Variants in BPNT2 observed in about 807,000 individuals in gnomAD.
BPNT2 encodes the protein 3'(2'), 5'-bisphosphate nucleotidase 2.
In BPNT2, 11 loss-of-function variants were observed where a neutral mutation model predicts 29.3. The ratio of observed to expected loss-of-function variants is 0.38; its 90% CI spans 0.24 to 0.62. The LOEUF is 0.62. BPNT2 is among the 20% of genes least tolerant of loss of function. The probability of loss-of-function intolerance (pLI) is 0.62; values close to 1 mark genes in which losing one functional copy is unlikely to be tolerated. For missense variants in BPNT2, 459 were observed against 473.4 expected, an observed-to-expected ratio of 0.97 and a Z score of 0.28; for synonymous variants, 195 against 187.7, an observed-to-expected ratio of 1.04 and a Z score of -0.32.
At chr8:56,985,227 T>C (rs142782756) in intron 1 of BPNT2, among the ~76,000 whole-genome samples, 2 of 152,262 alleles carry the variant, frequency 1.3e-5, no homozygotes, top group African/African-American at 4.8e-5. Flanking sequence ...TTCATTACTG[T>C]AGCTCCATCC....
rs1046218207 is a variant in BPNT2 at position 56,958,576 on chromosome 8, T to C, written c.*5217A>G. 1 of 152,332 alleles carries C rather than the reference T, an allele frequency of 6.6e-6. No individual in the cohort carries two copies. The highest frequency in any genetic ancestry group is 6.5e-5 in the Admixed American group (1 of 15,298). 9.4% of individuals were successfully genotyped at this position (152,332 alleles called of 1,614,324 possible). A position where few individuals can be genotyped will look rare whatever the true frequency, so the allele number is the denominator to read the frequency against. ...TCAAAGGTATTTTTATTTTATCTCA[T>C]TGTTAGCCCAGTATAAGGCAGGATG... is the stretch of plus-strand genomic sequence containing the variant. On this transcript the variant is annotated 3_prime_UTR_variant, in exon 5 of 5. Transcript: ENST00000262644.
In BPNT2 at chr8:56,993,259, G is replaced by C; in HGVS notation, c.327C>G (p.Gly109=). 6.2e-7 allele frequency: 1 copy of C among 1,609,626 alleles called. No homozygotes were observed. The highest frequency in any genetic ancestry group is 8.5e-7 in the Non-Finnish European group (1 of 1,179,898). The part of the protein sequence containing the change: ...REGAEDKMTS[G]DVLSNRKMFY... The stretch of plus-strand genomic sequence containing the variant: ...ACATCTTGCGGTTGGACAGCACGTC[G>C]CCGCTGGTCATCTTGTCCTCGGCTC... The change falls in exon 1 of 5, where the codon GGC becomes GGG. Residue 109 remains glycine, a synonymous_variant. Transcript: ENST00000262644.
intron 1 of BPNT2, among the ~76,000 whole-genome samples, chr8:56,980,664 G>A (rs7018231): frequency 6.6e-6 from 1 of 150,802 alleles, no homozygotes; most frequent in Non-Finnish European, 1.5e-5. Context: ...AAAATTAAAA[G>A]ATAAAATAAA....
intron 3 of BPNT2, among the ~76,000 whole-genome samples, chr8:56,977,629 TAC>T (rs10610795): frequency 0.047 from 7,099 of 152,164 alleles, 451 homozygotes; most frequent in African/African-American, 0.14. Flanking sequence ...GCAGATGTAC[TAC>T]GTTGAGATGA....
chr8:56,992,166 C>A (rs558630307), intron 1 of BPNT2, among the ~76,000 whole-genome samples: 8 of 152,260 alleles, frequency 5.3e-5, no homozygotes, highest in African/African-American at 1.9e-4. Context: ...ACAATATTCT[C>A]CTAACTCTTT....
intron 1 of BPNT2, 38 bp downstream of exon 1, chr8:56,993,161 A>G: frequency 6.4e-7 from 1 of 1,574,530 alleles, no homozygotes; most frequent in Non-Finnish European, 8.6e-7. Flanking sequence ...GAGACGCGCT[A>G]CCCGGCTCGA....
At chr8:56,977,922 G>GT (rs1402721376) in intron 3 of BPNT2, 128 bp downstream of exon 3, 22 of 715,544 alleles carry the variant, frequency 3.1e-5, no homozygotes, top group Non-Finnish European at 5.3e-5. Context: ...CATAATTTGT[G>GT]TTTTTTTCTT....
intron 3 of BPNT2, among the ~76,000 whole-genome samples, chr8:56,977,103 T>C (rs1806153353): frequency 6.6e-6 from 1 of 152,236 alleles, no homozygotes; most frequent in Non-Finnish European, 1.5e-5. Context: ...ACTTGGGTCC[T>C]ATCTCCAATA....
rs768123124 is a variant in BPNT2 at position 56,978,114 on chromosome 8, C to T, written c.582G>A (p.Val194=). The change falls in exon 3 of 5, where the codon GTG becomes GTA. Residue 194 remains valine (V), a synonymous_variant. Transcript: ENST00000262644. ...TGGGTTTACCATTTACAGCCACACA[C>T]ACCATAGTAGTGACGTACTTTCGAA... ...EDLRKYVTTM[V]CVAVNGKPML... 1.1e-5 allele frequency: 18 copies of T among 1,611,828 alleles called. No individual in the cohort carries two copies. In the African/African-American group the frequency reaches 2.3e-4, roughly 20 times the overall value.
Position 56,993,699 on chromosome 8 carries a change from G to C in BPNT2, c.-114C>G. ...CAGGCGCCGCGCGGGCTACACTGGC[G>C]CCCGCTCCCCGGCCCCGGTGCGCCC... On this transcript the variant is annotated 5_prime_UTR_variant, in exon 1 of 5. Coordinates refer to ENST00000262644, the MANE Select transcript of BPNT2 (RefSeq NM_017813.5). 9.8e-7 allele frequency: 1 copy of C among 1,024,610 alleles called. No homozygotes were observed. 63.5% of individuals were successfully genotyped at this position (1,024,610 alleles called of 1,614,324 possible). A position where few individuals can be genotyped will look rare whatever the true frequency, so the allele number is the denominator to read the frequency against.
At chr8:56,981,768 C>T (rs1806247481) in intron 1 of BPNT2, among the ~76,000 whole-genome samples, 1 of 151,866 alleles carries the variant, frequency 6.6e-6, no homozygotes, top group Non-Finnish European at 1.5e-5. Context: ...AAAAAATGTC[C>T]CCAAAATTTT....
chr8:56,988,555 T>C (rs572621070), intron 1 of BPNT2, among the ~76,000 whole-genome samples: 28 of 152,342 alleles, frequency 1.8e-4, no homozygotes, highest in African/African-American at 6.7e-4. Flanking sequence ...TGTTAAATGA[T>C]TGTTTTCAGT....
At chr8:56,964,656 T>A (rs1221572296) in intron 4 of BPNT2, among the ~76,000 whole-genome samples, 1 of 152,202 alleles carries the variant, frequency 6.6e-6, no homozygotes, top group Non-Finnish European at 1.5e-5. Context: ...ACCTACAATT[T>A]AAAAATTTTA....
intron 1 of BPNT2, among the ~76,000 whole-genome samples, chr8:56,984,271 G>A (rs1372684459): frequency 6.6e-6 from 1 of 152,166 alleles, no homozygotes; most frequent in Non-Finnish European, 1.5e-5. Flanking sequence ...AGGAGAACAA[G>A]AACATTAGCA....
intron 3 of BPNT2, among the ~76,000 whole-genome samples, chr8:56,972,009 G>A (rs1806043633): frequency 6.7e-6 from 1 of 150,058 alleles, no homozygotes; most frequent in Non-Finnish European, 1.5e-5. Flanking sequence ...GCAGGAGAAT[G>A]GCGTGAACCT....
chr8:56,980,091 G>A lies in BPNT2; in HGVS notation c.494C>T (p.Pro165Leu), dbSNP rs1806214232. 4 of 1,613,450 alleles carry A rather than the reference G, an allele frequency of 2.5e-6. No individual in the cohort carries two copies. The highest frequency in any genetic ancestry group is 2.5e-6 in the Non-Finnish European group (3 of 1,179,688). The change falls in exon 2 of 5, where the codon CCA becomes CTA. Residue 165 changes from proline to leucine, a missense_variant. By Grantham distance (98) the Pro-to-Leu change is moderately conservative. Transcript: ENST00000262644. ...AATCCAGACAGTAACACTTTCTGCT[G>A]GTACCTCTTTAGGAGTAGTTACTTC... ...LKEVTTPKEVPAESVTVWIDP... is the reference protein window; with the variant it reads ...LKEVTTPKEVLAESVTVWIDP...
chr8:56,962,248 C>T lies in BPNT2; in HGVS notation c.*1545G>A, dbSNP rs1805850327. On this transcript the variant is annotated 3_prime_UTR_variant, in exon 5 of 5. Transcript: ENST00000262644. ...GAAAACATTTGTGTCATATTAGATTCAGTTTACTAATAAGAAAGTAAAGGG... is the reference window on the plus strand; with the variant it reads ...GAAAACATTTGTGTCATATTAGATTTAGTTTACTAATAAGAAAGTAAAGGG... 6.6e-6 allele frequency: 1 copy of T among 152,160 alleles called. No individual in the cohort carries two copies. The highest frequency in any genetic ancestry group is 1.5e-5 in the Non-Finnish European group (1 of 68,028). The allele number at this position is 152,160 out of a possible 1,614,324, so 9.4% of individuals were successfully genotyped here.
chr8:56,983,215 T>C (rs1219498758), intron 1 of BPNT2, among the ~76,000 whole-genome samples: 1 of 152,060 alleles, frequency 6.6e-6, no homozygotes, highest in East Asian at 1.9e-4. Context: ...ATAGACAAAT[T>C]GTAAGATATA....
chr8:56,965,509 G>C (rs1435412156), intron 4 of BPNT2, among the ~76,000 whole-genome samples: 1 of 152,002 alleles, frequency 6.6e-6, no homozygotes, highest in Non-Finnish European at 1.5e-5. Flanking sequence ...GCTAAATCCG[G>C]GTCATGGCCT....
Sources: gnomAD v4.1 joint callset for allele counts (sites outside exome capture counted in the v4.1 genomes callset) on GRCh38, gnomAD v4.1.1 for gene constraint, MANE v1.5 for transcripts, NCBI Gene and HGNC (gene_info 2026-07-23, HGNC 2026-07-21) for gene names.